TLCD4: variants seen among roughly 807,000 people sequenced by gnomAD.
TLCD4 encodes TLC domain containing 4.
TLCD4 carries 7 observed loss-of-function variants against 24.2 expected under a neutral mutation model. The ratio of observed to expected loss-of-function variants is 0.29; its 90% confidence interval spans 0.16 to 0.54. TLCD4 has a LOEUF of 0.54. Ranked by LOEUF, TLCD4 falls within the 20% of genes least tolerant of loss-of-function variation. The pLI is 0.95. For synonymous variants in TLCD4, 103 were observed against 106.4 expected, an observed-to-expected ratio of 0.97 and a Z score of 0.20; for missense variants, 259 against 313.9, an observed-to-expected ratio of 0.82 and a Z score of 1.32.
the TLCD4 span, among the ~76,000 whole-genome samples, chr1:95,111,977 A>G: frequency 6.6e-6 from 1 of 152,204 alleles, no homozygotes; most frequent in South Asian, 2.1e-4. Flanking sequence ...TTTGAAATAG[A>G]AAGTTCGGTG....
At chr1:95,109,690 TG>T in the TLCD4 span, among the ~76,000 whole-genome samples, 2 of 151,538 alleles carry the variant, frequency 1.3e-5, no homozygotes, top group Admixed American at 6.6e-5. Context: ...GGTTTCACCA[TG>T]TTGGCCAGGC....
At chr1:95,107,905 C>A in the TLCD4 span, among the ~76,000 whole-genome samples, 1 of 152,018 alleles carries the variant, frequency 6.6e-6, no homozygotes, top group African/African-American at 2.4e-5. Flanking sequence ...GGTGGGGAGA[C>A]CAATCTGAAG....
At chr1:95,125,769 C>T (rs1676716210) in intron 1 of TLCD4, among the ~76,000 whole-genome samples, 1 of 152,196 alleles carries the variant, frequency 6.6e-6, no homozygotes, top group African/African-American at 2.4e-5. Flanking sequence ...GGGAAATGAT[C>T]ACATTCCTTC....
rs778451906 is a variant in TLCD4, at chr1:95,148,819, C to A, written c.245+28C>A. The A allele has an allele frequency of 1.3e-5, 21 of 1,602,072 alleles. No individual in the cohort carries two copies. The African/African-American group carries it at 2.2e-4, about 16-fold the overall frequency. ...AAGCTGTTTCTTTTTCTAAGATTGCCAATTTCATTTATGTTTTGATATTAA... is the reference window on the plus strand; with the variant it reads ...AAGCTGTTTCTTTTTCTAAGATTGCAAATTTCATTTATGTTTTGATATTAA... On this transcript the variant is annotated intron_variant, in intron 3 of 6. Transcript: ENST00000370203.
the TLCD4 span, among the ~76,000 whole-genome samples, chr1:95,111,904 C>A: frequency 6.6e-6 from 1 of 152,064 alleles, no homozygotes; most frequent in Non-Finnish European, 1.5e-5. Flanking sequence ...TTTGGTGAAG[C>A]GTTCTCATAA....
intron 6 of TLCD4, among the ~76,000 whole-genome samples, chr1:95,190,110 T>C (rs866132684): frequency 5.3e-4 from 70 of 131,552 alleles, no homozygotes; most frequent in African/African-American, 1.4e-3. Flanking sequence ...TTTTTTTTTT[T>C]CTTTTTTTTT....
chr1:95,100,698 G>A, the TLCD4 span, among the ~76,000 whole-genome samples: 4 of 152,150 alleles, frequency 2.6e-5, no homozygotes, highest in South Asian at 2.1e-4. Context: ...GTATAAATAT[G>A]TCTTTTTCAG....
chr1:95,114,353 C>A (rs554768046), upstream of TLCD4, among the ~76,000 whole-genome samples: 5 of 152,070 alleles, frequency 3.3e-5, no homozygotes, highest in Non-Finnish European at 7.4e-5. Context: ...AAATGTTTGG[C>A]GTCATTTAGT....
chr1:95,163,623 C>A (rs138697837), intron 5 of TLCD4: 10 of 152,248 alleles, frequency 6.6e-5, no homozygotes, highest in Non-Finnish European at 1.5e-4. Context: ...CTAGTTTCTC[C>A]CCATCTTTAT....
upstream of TLCD4, among the ~76,000 whole-genome samples, chr1:95,116,117 T>G (rs536878911): frequency 2.0e-5 from 3 of 152,308 alleles, no homozygotes; most frequent in Non-Finnish European, 4.4e-5. Flanking sequence ...GATCTTTCTC[T>G]CTGCTTGACT....
the TLCD4 span, among the ~76,000 whole-genome samples, chr1:95,104,422 T>A: frequency 6.6e-6 from 1 of 152,116 alleles, no homozygotes; most frequent in South Asian, 2.1e-4. Flanking sequence ...CCCAGCACTT[T>A]GGGAGGCCGA....
chr1:95,173,281 A>G (rs1571771107), intron 5 of TLCD4, among the ~76,000 whole-genome samples: 1 of 151,092 alleles, frequency 6.6e-6, no homozygotes, highest in Non-Finnish European at 1.5e-5. Context: ...AAAACTCCTC[A>G]TCTTCTGAAA....
chr1:95,096,567 G>A, the TLCD4 span, among the ~76,000 whole-genome samples: 1 of 152,098 alleles, frequency 6.6e-6, no homozygotes, highest in Admixed American at 6.5e-5. Context: ...GATATCAGTT[G>A]GGATCATCCG....
At chr1:95,161,802 T>G (rs1677818080) in intron 5 of TLCD4, among the ~76,000 whole-genome samples, 1 of 152,202 alleles carries the variant, frequency 6.6e-6, no homozygotes, top group Admixed American at 6.5e-5. Context: ...TTCCATGTAG[T>G]TGAGTGGTTT....
chr1:95,192,512 G>A lies in TLCD4; in HGVS notation c.*644G>A, dbSNP rs1194229822. On this transcript the variant is annotated 3_prime_UTR_variant, in exon 7 of 7. Transcript: ENST00000370203. ...ATGACTATGATAATCTGGTACAAAT[G>A]GTTTTATGTCACCAATTTTGCTGCA... is the stretch of plus-strand genomic sequence containing the variant. The A allele has an allele frequency of 6.6e-6, 1 of 152,070 alleles. No homozygotes were observed. Among genetic ancestry groups the A allele is most frequent in the South Asian group, 2.1e-4 (1 of 4,836 alleles). 9.4% of individuals were successfully genotyped at this position (152,070 alleles called of 1,614,324 possible).
At chr1:95,182,212 T>C (rs937184281) in intron 6 of TLCD4, among the ~76,000 whole-genome samples, 1 of 152,148 alleles carries the variant, frequency 6.6e-6, no homozygotes, top group Non-Finnish European at 1.5e-5. Context: ...CACTTTTTTT[T>C]TTTATTTTTG....
intron 6 of TLCD4, among the ~76,000 whole-genome samples, chr1:95,185,557 T>C (rs554167617): frequency 5.9e-5 from 9 of 152,212 alleles, no homozygotes; most frequent in Admixed American, 4.6e-4. Context: ...TCTGCCACCT[T>C]TGCGACAGCA....
chr1:95,131,034 G>T lies in TLCD4; in HGVS notation c.-11-12857G>T, dbSNP rs530768906. On this transcript the variant is annotated intron_variant, in intron 1 of 6. Coordinates refer to ENST00000370203, the MANE Select transcript of TLCD4 (RefSeq NM_152487.3). Reference sequence around the variant, plus strand: ...AGCAGAATGGAAAGCACATGTAAGAGTATGTCTGTTATTATAACTGTTTTA... The same window carrying T: ...AGCAGAATGGAAAGCACATGTAAGATTATGTCTGTTATTATAACTGTTTTA... Among the ~76,000 whole-genome samples, 8 of 152,302 alleles carry T rather than the reference G, an allele frequency of 5.3e-5. 1 individual carries two copies.
At chr1:95,188,936 C>G (rs1259523691) in intron 6 of TLCD4, among the ~76,000 whole-genome samples, 1 of 152,144 alleles carries the variant, frequency 6.6e-6, no homozygotes, top group Non-Finnish European at 1.5e-5. Context: ...GGGCTCCTAG[C>G]TGACAGAACC....
Sources: gnomAD v4.1 joint callset for allele counts (sites outside exome capture counted in the v4.1 genomes callset) on GRCh38, gnomAD v4.1.1 for gene constraint, MANE v1.5 for transcripts, NCBI Gene and HGNC (gene_info 2026-07-23, HGNC 2026-07-21) for gene names.